The following TMEM232 variants were observed in gnomAD, a reference collection of about 807,000 sequenced individuals.
The protein encoded by TMEM232 is transmembrane protein 232.
Under a neutral mutation model 78.8 loss-of-function variants are expected in TMEM232, and 80 were observed. The observed-to-expected ratio is 1.01, with a 90% CI of 0.85 to 1.22. TMEM232 has a LOEUF of 1.22. TMEM232 is among the 50% of genes most tolerant of loss of function. The pLI is 0.00. For missense variants in TMEM232, 881 were observed against 742.2 expected (o/e 1.19, Z -2.17); for synonymous variants, 297 against 254.3 (o/e 1.17, Z -1.60).
At chr5:110,409,646 T>C (rs1755915982) in intron 2 of TMEM232, among the ~76,000 whole-genome samples, 1 of 152,210 alleles carries the variant, frequency 6.6e-6, no homozygotes, top group South Asian at 2.1e-4. Context: ...GATAACTTTC[T>C]ATGTCATTCC....
intron 11 of TMEM232, among the ~76,000 whole-genome samples, chr5:110,554,113 A>G (rs778179093): frequency 8.5e-5 from 13 of 152,178 alleles, no homozygotes; most frequent in Non-Finnish European, 1.8e-4. Flanking sequence ...GATACAAAGT[A>G]TTGATCCTGG....
At chr5:110,641,165 G>T (rs1242674181) in intron 3 of TMEM232, among the ~76,000 whole-genome samples, 169 bp from the exon 4 acceptor site, 1 of 152,052 alleles carries the variant, frequency 6.6e-6, no homozygotes, top group East Asian at 1.9e-4. Flanking sequence ...AATTTTTGGA[G>T]ATTTTATGCA....
chr5:110,588,628 C>T (rs1419580455), intron 10 of TMEM232, among the ~76,000 whole-genome samples: 1 of 152,000 alleles, frequency 6.6e-6, no homozygotes, highest in African/African-American at 2.4e-5. Flanking sequence ...ATTTTGGTTG[C>T]CTCCAGGGCA....
intron 12 of TMEM232, among the ~76,000 whole-genome samples, chr5:110,512,701 T>C (rs1767958379): frequency 6.6e-6 from 1 of 152,132 alleles, no homozygotes; most frequent in South Asian, 2.1e-4. Flanking sequence ...TAAAAATATT[T>C]CATCATAAGC....
chr5:110,575,173 G>T (rs898952887), intron 10 of TMEM232, among the ~76,000 whole-genome samples: 4 of 151,962 alleles, frequency 2.6e-5, no homozygotes, highest in Non-Finnish European at 5.9e-5. Flanking sequence ...GATGATATAT[G>T]TATCACTATA....
intron 12 of TMEM232, among the ~76,000 whole-genome samples, chr5:110,468,832 T>C (rs980061018): frequency 2.0e-5 from 3 of 152,038 alleles, no homozygotes; most frequent in African/African-American, 7.2e-5. Context: ...GCAGAAACAA[T>C]TAACAACTAT....
Position 110,625,407 on chromosome 5 carries a change from G to C in TMEM232, c.628C>G (p.His210Asp), listed in dbSNP as rs562290752. Residue 210 changes from histidine to aspartate, a missense_variant, in exon 7 of 14, where the codon CAC (histidine) becomes GAC (aspartate). Coordinates refer to ENST00000455884, the MANE Select transcript of TMEM232 (RefSeq NM_001039763.4). ...YALSFSGASY[H>D]KYPNIFSNVQ... ...TTTGAAAAGATGTTTGGATACTTGT[G>C]ATATGATGCTCCAGAGAAAGAAAGT... The C allele has an allele frequency of 1.2e-5, 18 of 1,533,524 alleles. No homozygotes were observed. In the African/African-American group the frequency reaches 1.9e-4, roughly 16 times the overall value. The allele number at this position is 1,533,524 out of a possible 1,614,324, so 95.0% of individuals were successfully genotyped here.
chr5:110,728,781 C>G (rs1294160697), upstream of TMEM232, among the ~76,000 whole-genome samples: 3 of 149,860 alleles, frequency 2.0e-5, no homozygotes, highest in Non-Finnish European at 4.4e-5. Flanking sequence ...CAAAACCATC[C>G]TAACCCCTTA....
intron 11 of TMEM232, among the ~76,000 whole-genome samples, chr5:110,565,771 A>G (rs1162893973): frequency 1.3e-5 from 2 of 151,954 alleles, no homozygotes; most frequent in African/African-American, 4.8e-5. Flanking sequence ...GTGTGTCAAT[A>G]ACAATGTTAA....
chr5:110,469,641 C>T (rs1407088411), intron 12 of TMEM232, among the ~76,000 whole-genome samples: 1 of 152,156 alleles, frequency 6.6e-6, no homozygotes, highest in East Asian at 1.9e-4. Context: ...GCACCCTGTT[C>T]CCGTGTCAGC....
At chr5:110,442,239 G>A (rs1391828886) in intron 12 of TMEM232, among the ~76,000 whole-genome samples, 1 of 151,330 alleles carries the variant, frequency 6.6e-6, no homozygotes, top group Non-Finnish European at 1.5e-5. Context: ...TCTCTTTAAG[G>A]CCAATAACTC....
In TMEM232 at chr5:110,641,315, T is replaced by C. The variant is rs192349373; in HGVS notation, c.238-319A>G. Among the ~76,000 whole-genome samples, 64 of 152,232 alleles carry C rather than the reference T, an allele frequency of 4.2e-4. No homozygotes were observed. In the East Asian group the frequency reaches 0.011, roughly 25 times the overall value. ...AAGGGAATGCATTTTTTTTATTGTA[T>C]AAGGAAAAACATTGAAGAAATGTGA... On this transcript the variant is annotated intron_variant, in intron 3 of 13. Coordinates refer to ENST00000455884, the MANE Select transcript of TMEM232 (RefSeq NM_001039763.4).
At chr5:110,645,375 C>T (rs1405118967) in intron 2 of TMEM232, among the ~76,000 whole-genome samples, 5 of 150,934 alleles carry the variant, frequency 3.3e-5, no homozygotes, top group Non-Finnish European at 7.4e-5. Flanking sequence ...CAATTATACA[C>T]CATGACCAAG....
intron 1 of TMEM232, among the ~76,000 whole-genome samples, chr5:110,689,579 A>G (rs1793838926): frequency 6.6e-6 from 1 of 152,310 alleles, no homozygotes; most frequent in Admixed American, 6.5e-5. Flanking sequence ...AATAGATTCA[A>G]TGCTATCCCC....
intron 11 of TMEM232, among the ~76,000 whole-genome samples, chr5:110,564,717 A>T (rs1387775542): frequency 1.3e-5 from 2 of 151,836 alleles, no homozygotes; most frequent in African/African-American, 4.8e-5. Flanking sequence ...AAAACAGAAC[A>T]ATTACTCTTC....
chr5:110,547,007 G>C (rs139869218), intron 11 of TMEM232, among the ~76,000 whole-genome samples: 236 of 151,898 alleles, frequency 1.6e-3, no homozygotes, highest in African/African-American at 5.6e-3. Flanking sequence ...AATGTATTAT[G>C]CTCAAGTTTT....
At chr5:110,608,099 G>A (rs1781733322) in intron 8 of TMEM232, among the ~76,000 whole-genome samples, 1 of 151,882 alleles carries the variant, frequency 6.6e-6, no homozygotes, top group African/African-American at 2.4e-5. Context: ...GAACTTTAGA[G>A]TTGGAAACAT....
intron 11 of TMEM232, among the ~76,000 whole-genome samples, chr5:110,553,866 T>A (rs1774754161): frequency 6.6e-6 from 1 of 152,164 alleles, no homozygotes; most frequent in African/African-American, 2.4e-5. Context: ...CATAGATGAC[T>A]CTTATTTTGA....
At chr5:110,539,822 C>T (rs1772872001) in intron 11 of TMEM232, among the ~76,000 whole-genome samples, 1 of 152,184 alleles carries the variant, frequency 6.6e-6, no homozygotes, top group South Asian at 2.1e-4. Flanking sequence ...TTAGAATAAC[C>T]TTCAACAGGT....
Sources: gnomAD v4.1 joint callset for allele counts (sites outside exome capture counted in the v4.1 genomes callset) on GRCh38, gnomAD v4.1.1 for gene constraint, MANE v1.5 for transcripts, NCBI Gene and HGNC (gene_info 2026-07-23, HGNC 2026-07-21) for gene names.